The following JAKMIP1 variants were observed in gnomAD, a reference collection of about 807,000 sequenced individuals.
JAKMIP1 encodes janus kinase and microtubule interacting protein 1.
A neutral mutation model predicts 113.0 loss-of-function variants in JAKMIP1; 33 were observed. The ratio of observed to expected loss-of-function variants is 0.29; its 90% CI spans 0.22 to 0.39. The LOEUF is 0.39. Among genes scored for constraint, JAKMIP1 ranks in the 10% least tolerant of loss-of-function variants. The probability of loss-of-function intolerance (pLI) is 1.00; values close to 1 mark genes in which losing one functional copy is unlikely to be tolerated. For missense variants in JAKMIP1, 813 were observed against 1,080.5 expected, an observed-to-expected ratio of 0.75 and a Z score of 3.47; for synonymous variants, 480 against 459.9, an observed-to-expected ratio of 1.04 and a Z score of -0.56.
At chr4:6,068,153 AGG>A (rs1304578878) in intron 8 of JAKMIP1, among the ~76,000 whole-genome samples, 6 of 152,180 alleles carry the variant, frequency 3.9e-5, no homozygotes, top group African/African-American at 1.4e-4. Context: ...GCCCTAATAC[AGG>A]GCATTAACTA....
chr4:6,112,667 C>T lies in JAKMIP1; in HGVS notation c.129+55G>A, dbSNP rs1012943483. The stretch of plus-strand genomic sequence containing the variant: ...TCACACACATGCCTCAGAGGCAACA[C>T]TGCCCAAAGGGACATTTGCAGCCCA... On this transcript the variant is annotated intron_variant, in intron 2 of 20. Coordinates refer to ENST00000409021, the MANE Select transcript of JAKMIP1 (RefSeq NM_001099433.2). 7.6e-6 allele frequency: 12 copies of T among 1,588,448 alleles called. No homozygotes were observed. The Admixed American group carries it at 1.2e-4, about 16-fold the overall frequency.
At chr4:6,195,740 T>C (rs1727760400) in intron 1 of JAKMIP1, among the ~76,000 whole-genome samples, 1 of 152,062 alleles carries the variant, frequency 6.6e-6, no homozygotes, top group Admixed American at 6.5e-5. Context: ...ACTGAATGGG[T>C]TCAGTCAGAC....
chr4:6,054,265 G>A (rs1486547122), intron 12 of JAKMIP1, 117 bp from the exon 13 acceptor site: 2 of 897,004 alleles, frequency 2.2e-6, no homozygotes, highest in African/African-American at 1.7e-5. Flanking sequence ...GGAGGCAAGG[G>A]GCAGGAGAGG....
chr4:6,090,690 G>A (rs773181271), intron 3 of JAKMIP1, among the ~76,000 whole-genome samples: 6 of 151,944 alleles, frequency 3.9e-5, no homozygotes, highest in Admixed American at 6.6e-5. Context: ...ACTGCCCCAC[G>A]TTGACCATGA....
intron 1 of JAKMIP1, among the ~76,000 whole-genome samples, chr4:6,148,834 C>T (rs1050740619): frequency 6.6e-6 from 1 of 152,242 alleles, no homozygotes; most frequent in Non-Finnish European, 1.5e-5. Flanking sequence ...AGAAGAAGCC[C>T]CCGTTTTATT....
Position 6,040,155 on chromosome 4 carries a change from C to A in JAKMIP1, c.2175+484G>T, listed in dbSNP as rs1714128114. Among the ~76,000 whole-genome samples the A allele has an allele frequency of 1.3e-5, 2 of 152,186 alleles. No individual in the cohort carries two copies. Among genetic ancestry groups the A allele is most frequent in the African/African-American group, 4.8e-5 (2 of 41,452 alleles). On this transcript the variant is annotated intron_variant, in intron 18 of 20. Coordinates refer to ENST00000409021, the MANE Select transcript of JAKMIP1 (RefSeq NM_001099433.2). This position sits in a 1 kb window ranked among gnomAD's most constrained non-coding sequence, Gnocchi z 5.8. ...ACATCATCCCACTGTATTTTAATCA[C>A]CAGGACGCCCAGAATCAATTTTGCA...
chr4:6,037,894 C>T (rs554228675), intron 18 of JAKMIP1, among the ~76,000 whole-genome samples: 2,304 of 142,194 alleles, frequency 0.016, 12 homozygotes, highest in Non-Finnish European at 0.028. Context: ...CAGTAGCCCT[C>T]CATCACTGAG....
At chr4:6,045,913 T>G (rs1714927524) in intron 16 of JAKMIP1, among the ~76,000 whole-genome samples, 1 of 152,184 alleles carries the variant, frequency 6.6e-6, no homozygotes. Flanking sequence ...GACATTGACT[T>G]CCACTTATTC....
chr4:6,173,264 T>A (rs777224130), intron 1 of JAKMIP1, among the ~76,000 whole-genome samples: 1 of 152,206 alleles, frequency 6.6e-6, no homozygotes, highest in Non-Finnish European at 1.5e-5. Flanking sequence ...TCAGTGATCT[T>A]ACAAGGCAAT....
rs1378016753 is a variant in JAKMIP1 at position 6,069,726 on chromosome 4, C to G, written c.1303-4718G>C. On this transcript the variant is annotated intron_variant, in intron 8 of 20. Coordinates refer to ENST00000409021, the MANE Select transcript of JAKMIP1 (RefSeq NM_001099433.2). This position sits in a 1 kb window ranked among gnomAD's most constrained non-coding sequence, Gnocchi z 4.5. Reference sequence around the variant, plus strand: ...TGTGATTGTGCCTCTGCACTCCAGCCTGGGTGACAGGGCAAGATCCTGTCT... The same window carrying G: ...TGTGATTGTGCCTCTGCACTCCAGCGTGGGTGACAGGGCAAGATCCTGTCT... 6.8e-6 allele frequency among the ~76,000 whole-genome samples: 1 copy of G among 147,762 alleles called. No individual in the cohort carries two copies. The highest frequency in any genetic ancestry group is 2.5e-5 in the African/African-American group (1 of 39,342).
intron 8 of JAKMIP1, among the ~76,000 whole-genome samples, chr4:6,072,039 C>A (rs536111267): frequency 1.3e-5 from 2 of 152,340 alleles, no homozygotes; most frequent in African/African-American, 4.8e-5. Context: ...TGTTCCTAAG[C>A]AGAGAGCTGC....
chr4:6,145,736 T>C (rs1720761952), intron 1 of JAKMIP1, among the ~76,000 whole-genome samples: 1 of 152,184 alleles, frequency 6.6e-6, no homozygotes, highest in South Asian at 2.1e-4. Flanking sequence ...TCTAAGGTCA[T>C]GGTATTGGCA....
chr4:6,169,999 A>C (rs1358282686), intron 1 of JAKMIP1, among the ~76,000 whole-genome samples: 6 of 137,398 alleles, frequency 4.4e-5, no homozygotes, highest in Non-Finnish European at 6.3e-5. Flanking sequence ...CACCACCACC[A>C]CCACCACCAC....
At chr4:6,070,283 C>A in intron 8 of JAKMIP1, 1 of 392,590 alleles carries the variant, frequency 2.5e-6, no homozygotes, top group African/African-American at 2.1e-5. Flanking sequence ...TCTCTCCCCA[C>A]GCACTCCCCT....
rs1719938765 is a variant in JAKMIP1, at chr4:6,140,291, A to G, written c.-147-27294T>C. 7.0e-6 allele frequency among the ~76,000 whole-genome samples: 1 copy of G among 143,534 alleles called. No homozygotes were observed. Among genetic ancestry groups the G allele is most frequent in the Admixed American group, 7.2e-5 (1 of 13,948 alleles). 94.2% of individuals were successfully genotyped at this position (143,534 alleles called of 152,430 possible). A position where few individuals can be genotyped will look rare whatever the true frequency, so the allele number is the denominator to read the frequency against. ...TCTGTGGGGAGGGACTTTCACCAAC[A>G]TTTGTGTGATACACATCTTCCCACA... On this transcript the variant is annotated intron_variant, in intron 1 of 20. Transcript: ENST00000409021. The surrounding 1 kb of genome is among the most constrained non-coding windows in gnomAD (Gnocchi z 9.4).
At chr4:6,095,380 G>A (rs1711571539) in intron 3 of JAKMIP1, among the ~76,000 whole-genome samples, 1 of 151,848 alleles carries the variant, frequency 6.6e-6, no homozygotes. Flanking sequence ...AAGAAAGGAA[G>A]GAAGGAAAAT....
chr4:6,098,804 C>T (rs572486022), intron 3 of JAKMIP1, among the ~76,000 whole-genome samples: 1 of 152,266 alleles, frequency 6.6e-6, no homozygotes, highest in East Asian at 1.9e-4. Flanking sequence ...TCCTGATGCT[C>T]GAGAAGGCTG....
At position 6,158,234 on chromosome 4, in the gene JAKMIP1, C is replaced by A. The variant is rs7684303; in HGVS notation, c.-148+42019G>T. 6.6e-6 allele frequency among the ~76,000 whole-genome samples: 1 copy of A among 152,182 alleles called. No individual in the cohort carries two copies. Among genetic ancestry groups the A allele is most frequent in the Non-Finnish European group, 1.5e-5 (1 of 68,044 alleles). The stretch of plus-strand genomic sequence containing the variant: ...CTCCATACATCCCAACTTTGCCCTG[C>A]GGATACTACATGCTTCTCACCAGGG... On this transcript the variant is annotated intron_variant, in intron 1 of 20. Coordinates refer to ENST00000409021, the MANE Select transcript of JAKMIP1 (RefSeq NM_001099433.2). This position sits in a 1 kb window ranked among gnomAD's most constrained non-coding sequence, Gnocchi z 5.3.
In JAKMIP1 at chr4:6,064,496, G is replaced by A. The variant is rs372342544; in HGVS notation, c.1431+384C>T. 9.2e-5 allele frequency among the ~76,000 whole-genome samples: 14 copies of A among 152,296 alleles called. No individual in the cohort carries two copies. In the South Asian group the frequency reaches 2.7e-3, roughly 29 times the overall value. Reference sequence around the variant, plus strand: ...AATGATGCTGTTTCTGCCCGGTGGTGTGTCCGTGTGTGCACACATGCGTGG... The same window carrying A: ...AATGATGCTGTTTCTGCCCGGTGGTATGTCCGTGTGTGCACACATGCGTGG... On this transcript the variant is annotated intron_variant, in intron 9 of 20. Transcript: ENST00000409021. This position sits in a 1 kb window ranked among gnomAD's most constrained non-coding sequence, Gnocchi z 4.3.
Sources: allele counts gnomAD v4.1 joint callset (sites outside exome capture counted in the v4.1 genomes callset), GRCh38; gene constraint gnomAD v4.1.1; non-coding constraint Gnocchi (gnomAD v3.1); transcripts MANE v1.5; gene names NCBI Gene and HGNC (gene_info 2026-07-23, HGNC 2026-07-21).